The following NPSR1 variants were observed in gnomAD, a reference collection of about 807,000 sequenced individuals.
NPSR1 encodes the protein neuropeptide S receptor 1, also known as neuropeptide S receptor.
Under a neutral mutation model 46.9 loss-of-function variants are expected in NPSR1, and 48 were observed. That is an observed-to-expected ratio of 1.02 (90% CI 0.81 to 1.30). NPSR1 has a LOEUF of 1.30. NPSR1 is among the 50% of genes most tolerant of loss of function. The probability of loss-of-function intolerance (pLI) is 0.00; values close to 1 mark genes in which losing one functional copy is unlikely to be tolerated. For missense variants in NPSR1, 450 were observed against 449.5 expected, an observed-to-expected ratio of 1.00 and a Z score of -0.01; for synonymous variants, 176 against 168.1, an observed-to-expected ratio of 1.05 and a Z score of -0.36.
chr7:34,790,826 T>G (rs1787742769), intron 3 of NPSR1, among the ~76,000 whole-genome samples: 1 of 136,810 alleles, frequency 7.3e-6, no homozygotes, highest in African/African-American at 2.6e-5. Flanking sequence ...TGTTATAGGT[T>G]ATATGTTATG....
chr7:34,791,624 T>C (rs1308331943), intron 3 of NPSR1, among the ~76,000 whole-genome samples: 6 of 152,014 alleles, frequency 3.9e-5, no homozygotes, highest in Admixed American at 3.9e-4. Flanking sequence ...AAAGTGTCTA[T>C]AAATCAAAGC....
downstream of NPSR1, among the ~76,000 whole-genome samples, chr7:34,853,152 A>T (rs765321391): frequency 5.9e-5 from 9 of 152,208 alleles, no homozygotes; most frequent in Non-Finnish European, 8.8e-5. Flanking sequence ...AAAATTCTGT[A>T]TACTCATATA....
chr7:34,700,080 G>C (rs1793741019), intron 2 of NPSR1, among the ~76,000 whole-genome samples: 1 of 152,156 alleles, frequency 6.6e-6, no homozygotes, highest in South Asian at 2.1e-4. Flanking sequence ...TGGGAACACA[G>C]TAAGGGAAGG....
chr7:34,658,646 A>T, intron 1 of NPSR1, 87 bp downstream of exon 1: 1 of 1,270,014 alleles, frequency 7.9e-7, no homozygotes, highest in Non-Finnish European at 1.1e-6. Flanking sequence ...TATCATAGCC[A>T]GTATTGTGAA....
At chr7:34,667,469 C>T (rs1376960995) in intron 1 of NPSR1, among the ~76,000 whole-genome samples, 1 of 152,176 alleles carries the variant, frequency 6.6e-6, no homozygotes, top group Non-Finnish European at 1.5e-5. Flanking sequence ...GCCTCCTAGA[C>T]TCTCCATTCA....
At chr7:34,725,560 C>A (rs771120328) in intron 2 of NPSR1, among the ~76,000 whole-genome samples, 3 of 152,174 alleles carry the variant, frequency 2.0e-5, no homozygotes, top group Admixed American at 6.5e-5. Context: ...CCAAACACAG[C>A]CCTCATACAG....
downstream of NPSR1, among the ~76,000 whole-genome samples, chr7:34,854,387 AAAAT>A (rs1446486043): frequency 6.6e-6 from 1 of 152,220 alleles, no homozygotes; most frequent in African/African-American, 2.4e-5. Context: ...GATTTTTTAA[AAAAT>A]AAATAACTGT....
At chr7:34,857,882 A>C (rs1488372621) in intron 8 of NPSR1, among the ~76,000 whole-genome samples, 9 of 151,788 alleles carry the variant, frequency 5.9e-5, no homozygotes, top group African/African-American at 2.2e-4. Flanking sequence ...GAAGACATAG[A>C]AAAATGGGCA....
chr7:34,744,306 G>C (rs1236793486), intron 2 of NPSR1, among the ~76,000 whole-genome samples: 7 of 151,924 alleles, frequency 4.6e-5, no homozygotes, highest in African/African-American at 1.4e-4. Context: ...ATTAATATTT[G>C]TCTGGTATAC....
At chr7:34,767,815 A>G (rs1332326288) in intron 2 of NPSR1, among the ~76,000 whole-genome samples, 3 of 152,184 alleles carry the variant, frequency 2.0e-5, no homozygotes, top group African/African-American at 7.2e-5. Flanking sequence ...TAACTTATCC[A>G]AAGTACCAAA....
At chr7:34,753,588 T>G (rs1266533524) in intron 2 of NPSR1, 1 of 152,150 alleles carries the variant, frequency 6.6e-6, no homozygotes, top group African/African-American at 2.4e-5. Flanking sequence ...ACCACTAGAT[T>G]GCCTAAGGAA....
chr7:34,748,031 T>C (rs192402283), intron 2 of NPSR1, among the ~76,000 whole-genome samples: 45 of 152,302 alleles, frequency 3.0e-4, no homozygotes, highest in African/African-American at 1.1e-3. Context: ...ATAATTGACA[T>C]GCACAGAGCT....
At chr7:34,805,628 C>T (rs1475967738) in intron 3 of NPSR1, among the ~76,000 whole-genome samples, 1 of 151,774 alleles carries the variant, frequency 6.6e-6, no homozygotes, top group African/African-American at 2.4e-5. Flanking sequence ...GGGACCTACT[C>T]TTTGTCTATG....
chr7:34,868,527 C>T (rs558389716), intron 8 of NPSR1, among the ~76,000 whole-genome samples: 2 of 151,792 alleles, frequency 1.3e-5, no homozygotes, highest in East Asian at 3.9e-4. Context: ...TGACCCTCAG[C>T]AGGATGCACC....
At chr7:34,693,798 A>C (rs1355556704) in intron 2 of NPSR1, among the ~76,000 whole-genome samples, 1 of 152,200 alleles carries the variant, frequency 6.6e-6, no homozygotes, top group Non-Finnish European at 1.5e-5. Flanking sequence ...AAGATAATAC[A>C]TCACAATCAA....
intron 3 of NPSR1, among the ~76,000 whole-genome samples, chr7:34,811,522 T>C (rs1788985831): frequency 6.6e-6 from 1 of 152,150 alleles, no homozygotes; most frequent in Non-Finnish European, 1.5e-5. Flanking sequence ...CAGGAATACC[T>C]GTTCTCATTT....
chr7:34,669,365 C>A (rs1791920722), intron 1 of NPSR1, among the ~76,000 whole-genome samples: 1 of 152,106 alleles, frequency 6.6e-6, no homozygotes, highest in African/African-American at 2.4e-5. Context: ...GAGTTTGAGA[C>A]CAGCCTGGCC....
chr7:34,779,314 T>G (rs1452480968), intron 3 of NPSR1, among the ~76,000 whole-genome samples: 1 of 151,962 alleles, frequency 6.6e-6, no homozygotes, highest in East Asian at 1.9e-4. Flanking sequence ...ATAACTGGTA[T>G]TAGGTTTGAT....
intron 2 of NPSR1, among the ~76,000 whole-genome samples, chr7:34,696,923 G>T (rs966864095): frequency 6.6e-6 from 1 of 151,904 alleles, no homozygotes; most frequent in Non-Finnish European, 1.5e-5. Context: ...CCATAATCTT[G>T]AATTTGAAAT....
Sources: allele counts gnomAD v4.1 joint callset (sites outside exome capture counted in the v4.1 genomes callset), GRCh38; gene constraint gnomAD v4.1.1; transcripts MANE v1.5; gene names NCBI Gene and HGNC (gene_info 2026-07-23, HGNC 2026-07-21).